PTPRM: variants seen among roughly 807,000 people sequenced by gnomAD.
The protein encoded by PTPRM is receptor-type tyrosine-protein phosphatase mu.
PTPRM carries 47 observed loss-of-function variants against 186.7 expected under a neutral mutation model. The observed-to-expected ratio is 0.25, with a 90% CI of 0.20 to 0.32. The LOEUF (loss-of-function observed/expected upper bound fraction) is 0.32. Ranked by LOEUF, PTPRM falls within the 10% of genes least tolerant of loss-of-function variation. The probability of loss-of-function intolerance (pLI) is 1.00; values close to 1 mark genes in which losing one functional copy is unlikely to be tolerated. For missense variants in PTPRM, 1,494 were observed against 1,865.0 expected, an observed-to-expected ratio of 0.80 and a Z score of 3.66; for synonymous variants, 668 against 674.9, an observed-to-expected ratio of 0.99 and a Z score of 0.16.
Position 7,667,010 on chromosome 18 carries a change from A to G in PTPRM, c.73+99119A>G, listed in dbSNP as rs73387598. ...TTTTGTATTGAAGCAGATTTTCAGT[A>G]AACAATACTAGGGACCAACTCTGCC... On this transcript the variant is annotated intron_variant, in intron 1 of 32. Coordinates refer to ENST00000580170, the MANE Select transcript of PTPRM (RefSeq NM_001105244.2). Among the ~76,000 whole-genome samples the G allele has an allele frequency of 4.8e-3, 728 of 152,318 alleles. 5 individuals are homozygous for G. The highest frequency in any genetic ancestry group is 0.017 in the African/African-American group (694 of 41,570).
At chr18:8,117,049 A>G (rs1393780955) in intron 13 of PTPRM, among the ~76,000 whole-genome samples, 1 of 152,206 alleles carries the variant, frequency 6.6e-6, no homozygotes, top group Non-Finnish European at 1.5e-5. Flanking sequence ...GTGCTATTTT[A>G]TTAAGTTCTA....
At chr18:7,734,663 G>A (rs1202776014) in intron 1 of PTPRM, among the ~76,000 whole-genome samples, 1 of 152,146 alleles carries the variant, frequency 6.6e-6, no homozygotes, top group Non-Finnish European at 1.5e-5. Context: ...GGAGCAAATG[G>A]CATGGAATTT....
intron 13 of PTPRM, among the ~76,000 whole-genome samples, chr18:8,125,998 T>TTTTTTTTTTTTTTTTTTAA: frequency 6.7e-5 from 1 of 14,944 alleles, no homozygotes; most frequent in African/African-American, 1.3e-4. Flanking sequence ...TATATATATA[T>TTTTTTTTTTTTTTTTTTAA]ATATATATAT....
At chr18:8,310,501 A>G (rs553127310) in intron 20 of PTPRM, among the ~76,000 whole-genome samples, 2 of 147,018 alleles carry the variant, frequency 1.4e-5, no homozygotes, top group East Asian at 2.0e-4. Context: ...GATCCTTCCT[A>G]CCTCCTGGCC....
chr18:8,008,610 C>A (rs2084330720), intron 7 of PTPRM, among the ~76,000 whole-genome samples: 1 of 152,096 alleles, frequency 6.6e-6, no homozygotes, highest in Non-Finnish European at 1.5e-5. Flanking sequence ...TTGACAGAGA[C>A]AAAATAATGA....
chr18:7,961,356 A>G (rs919253832), intron 7 of PTPRM, among the ~76,000 whole-genome samples: 1 of 152,210 alleles, frequency 6.6e-6, no homozygotes, highest in South Asian at 2.1e-4. Context: ...GGTGTCTCCT[A>G]TAAGTGGAAT....
At chr18:7,677,398 A>G (rs1042848853) in intron 1 of PTPRM, among the ~76,000 whole-genome samples, 3 of 152,146 alleles carry the variant, frequency 2.0e-5, no homozygotes, top group African/African-American at 7.2e-5. Context: ...GCATAACTAT[A>G]ATGTTTAAAT....
chr18:7,998,157 A>G (rs375965845), intron 7 of PTPRM, among the ~76,000 whole-genome samples: 9 of 152,324 alleles, frequency 5.9e-5, no homozygotes, highest in African/African-American at 1.9e-4. Flanking sequence ...GGATGAATGG[A>G]TAAGTAAAAT....
chr18:8,258,866 C>CAA (rs879602950), intron 19 of PTPRM, among the ~76,000 whole-genome samples: 2 of 139,170 alleles, frequency 1.4e-5, no homozygotes, highest in African/African-American at 2.6e-5. Context: ...TCCTATTCTT[C>CAA]AAAAAAAAAA....
chr18:7,835,500 T>C (rs569321802), intron 2 of PTPRM, among the ~76,000 whole-genome samples: 19 of 152,150 alleles, frequency 1.2e-4, no homozygotes, highest in Admixed American at 3.9e-4. Flanking sequence ...ACCTAACATA[T>C]GGTCTCTCCT....
chr18:7,743,699 CAG>C (rs2040928634), intron 1 of PTPRM, among the ~76,000 whole-genome samples: 2 of 152,240 alleles, frequency 1.3e-5, no homozygotes, highest in African/African-American at 4.8e-5. Context: ...GGACATAAAA[CAG>C]AAAAGGAGTT....
chr18:7,813,911 G>T (rs189740890), intron 2 of PTPRM, among the ~76,000 whole-genome samples: 1 of 152,038 alleles, frequency 6.6e-6, no homozygotes, highest in East Asian at 1.9e-4. Flanking sequence ...AAAAATTTCA[G>T]ATCACCTTTA....
intron 7 of PTPRM, among the ~76,000 whole-genome samples, chr18:8,013,798 C>CAA (rs2084687116): frequency 6.6e-6 from 1 of 152,116 alleles, no homozygotes; most frequent in Non-Finnish European, 1.5e-5. Context: ...TTGAGCTTGT[C>CAA]AAAGTTTTTC....
chr18:8,256,712 C>T (rs1027512558), intron 19 of PTPRM, among the ~76,000 whole-genome samples: 4 of 152,152 alleles, frequency 2.6e-5, no homozygotes, highest in African/African-American at 9.7e-5. Context: ...TCAAAAATTC[C>T]CGTTAACAAG....
At chr18:7,880,032 G>GA (rs1290569433) in intron 2 of PTPRM, among the ~76,000 whole-genome samples, 2 of 152,172 alleles carry the variant, frequency 1.3e-5, no homozygotes, top group South Asian at 2.1e-4. Flanking sequence ...GTGCCAAGCA[G>GA]AGGGGGGAAA....
chr18:8,311,948 C>T (rs993357746), intron 20 of PTPRM, among the ~76,000 whole-genome samples: 1 of 152,150 alleles, frequency 6.6e-6, no homozygotes, highest in Non-Finnish European at 1.5e-5. Flanking sequence ...AGAATTCAAG[C>T]ACAAAATAGA....
intron 5 of PTPRM, among the ~76,000 whole-genome samples, chr18:7,940,906 G>A (rs2052129192): frequency 6.6e-6 from 1 of 152,066 alleles, no homozygotes; most frequent in Non-Finnish European, 1.5e-5. Flanking sequence ...GAATTATGGG[G>A]TGCTGTCTCA....
intron 14 of PTPRM, among the ~76,000 whole-genome samples, chr18:8,168,168 CAGTATT>C (rs1157663761): frequency 6.6e-6 from 1 of 152,114 alleles, no homozygotes; most frequent in African/African-American, 2.4e-5. Flanking sequence ...TACTTTACGA[CAGTATT>C]AGTATTAGTC....
At chr18:8,401,932 A>T (rs1356072864) in intron 32 of PTPRM, among the ~76,000 whole-genome samples, 4 of 152,202 alleles carry the variant, frequency 2.6e-5, no homozygotes, top group Admixed American at 6.5e-5. Flanking sequence ...TGACCCAAGG[A>T]TGTGAGGAGG....
Sources: allele counts gnomAD v4.1 joint callset (sites outside exome capture counted in the v4.1 genomes callset), GRCh38; gene constraint gnomAD v4.1.1; transcripts MANE v1.5; gene names NCBI Gene and HGNC (gene_info 2026-07-23, HGNC 2026-07-21).